The following ABCA12 variants were observed in gnomAD, a reference collection of about 807,000 sequenced individuals.
ABCA12 encodes the protein glucosylceramide transporter ABCA12.
A neutral mutation model predicts 293.5 loss-of-function variants in ABCA12; 156 were observed. The ratio of observed to expected loss-of-function variants is 0.53; its 90% CI spans 0.47 to 0.61. The LOEUF is 0.61. ABCA12 is among the 20% of genes least tolerant of loss of function. The pLI is 0.00. For missense variants in ABCA12, 2,797 were observed against 3,090.2 expected (o/e 0.91, Z 2.25); for synonymous variants, 1,063 against 1,108.0 (o/e 0.96, Z 0.81).
intron 49 of ABCA12, 47 bp downstream of exon 49, chr2:214,944,954 C>A: frequency 1.3e-6 from 2 of 1,504,700 alleles, no homozygotes; most frequent in South Asian, 2.3e-5. Context: ...TCCCACCTGT[C>A]ATCCTAAGAC....
intron 1 of ABCA12, among the ~76,000 whole-genome samples, chr2:215,116,323 T>TG (rs1006572206): frequency 2.6e-5 from 4 of 152,294 alleles, no homozygotes; most frequent in Non-Finnish European, 2.9e-5. Flanking sequence ...TCATTGCTAG[T>TG]GGGGTCTCAA....
At position 215,018,033 on chromosome 2, in the gene ABCA12, A is replaced by G. The variant is rs1350206726; in HGVS notation, c.1757T>C (p.Ile586Thr). The G allele has an allele frequency of 6.2e-7, 1 of 1,614,132 alleles. No homozygotes were observed. Among genetic ancestry groups the G allele is most frequent in the Non-Finnish European group, 8.5e-7 (1 of 1,179,994 alleles). Residue 586 changes from isoleucine (I) to threonine (T), a missense_variant, in exon 14 of 53, where the codon ATT becomes ACT. This residue lies in a region of ABCA12 where 2,130 missense variants were observed against 2,427.0 expected (regional missense o/e 0.88). Coordinates refer to ENST00000272895, the MANE Select transcript of ABCA12 (RefSeq NM_173076.3). The part of the protein sequence containing the change: ...SNRTIDKLLA[I>T]PIPDNRAEII... ...CTCAGCTCTATTATCAGGGATGGGA[A>G]TGGCCAGCAACTTGTCAATAGTCCT... is the stretch of plus-strand genomic sequence containing the variant.
chr2:215,045,475 A>G (rs183139741), intron 7 of ABCA12, among the ~76,000 whole-genome samples: 1 of 152,270 alleles, frequency 6.6e-6, no homozygotes, highest in African/African-American at 2.4e-5. Flanking sequence ...TTATTCCTGG[A>G]TAGTTTAAAT....
intron 49 of ABCA12, 116 bp downstream of exon 49, chr2:214,944,885 A>ATACACATACATAT (rs1219204742): frequency 1.4e-6 from 1 of 735,532 alleles, no homozygotes; most frequent in Non-Finnish European, 2.4e-6. Context: ...ATATATATAT[A>ATACACATACATAT]TACACACACA....
At chr2:214,983,596 G>C (rs761282141) in intron 29 of ABCA12, 51 bp downstream of exon 29, 2 of 1,496,796 alleles carry the variant, frequency 1.3e-6, no homozygotes, top group Non-Finnish European at 1.9e-6. Context: ...CCAAGCTATG[G>C]GTCTTTGAGA....
At chr2:215,050,862 C>T (rs989291213) in intron 5 of ABCA12, 11 of 976,462 alleles carry the variant, frequency 1.1e-5, no homozygotes, top group Non-Finnish European at 1.3e-5. Flanking sequence ...AAAGAGGAAT[C>T]AGAGAGATTG....
Position 215,063,176 on chromosome 2 carries a change from C to T in ABCA12, c.317+890G>A, listed in dbSNP as rs897606769. Among the ~76,000 whole-genome samples the T allele has an allele frequency of 8.6e-5, 13 of 151,922 alleles. No homozygotes were observed. In the East Asian group the frequency reaches 9.7e-4, roughly 11 times the overall value. ...TAACATGTTTATATTTTTTGATAAA[C>T]GGGTTGCAGTTGCACTCTTAAAGTA... On this transcript the variant is annotated intron_variant, in intron 3 of 52. Coordinates refer to ENST00000272895, the MANE Select transcript of ABCA12 (RefSeq NM_173076.3).
In ABCA12 at chr2:215,115,271, G is replaced by A. The variant is rs376060795; in HGVS notation, c.70-3581C>T. Among the ~76,000 whole-genome samples, 35 of 152,218 alleles carry A rather than the reference G, an allele frequency of 2.3e-4. 1 individual carries two copies. Among genetic ancestry groups the A allele is most frequent in the African/African-American group, 8.2e-4 (34 of 41,536 alleles). Reference sequence around the variant, plus strand: ...TAAATACAAAGCCCTCTACACTATGGTCTCACGAATATTAAGGTTGACAGG... The same window carrying A: ...TAAATACAAAGCCCTCTACACTATGATCTCACGAATATTAAGGTTGACAGG... On this transcript the variant is annotated intron_variant, in intron 1 of 52. Transcript: ENST00000272895.
At chr2:215,043,713 A>T (rs1478575271) in intron 7 of ABCA12, among the ~76,000 whole-genome samples, 1 of 152,076 alleles carries the variant, frequency 6.6e-6, no homozygotes, top group Non-Finnish European at 1.5e-5. Flanking sequence ...AATTGTATAA[A>T]CTTACGGGGT....
At chr2:215,006,950 AC>A (rs1700268174) in intron 19 of ABCA12, among the ~76,000 whole-genome samples, 1 of 138,768 alleles carries the variant, frequency 7.2e-6, no homozygotes, top group South Asian at 2.3e-4. Flanking sequence ...ATCTCAGCTC[AC>A]TGCAACCTCC....
chr2:215,102,192 ATTAT>A (rs1221170952), intron 2 of ABCA12, among the ~76,000 whole-genome samples: 2 of 152,236 alleles, frequency 1.3e-5, no homozygotes, highest in Non-Finnish European at 2.9e-5. Flanking sequence ...CTCGTACCTC[ATTAT>A]TTAATTTTTA....
intron 50 of ABCA12, among the ~76,000 whole-genome samples, chr2:214,941,069 A>T (rs1698385203): frequency 6.6e-6 from 1 of 152,008 alleles, no homozygotes; most frequent in South Asian, 2.1e-4. Context: ...TGTTGATTTT[A>T]GATCTTTCCC....
chr2:215,071,035 G>A (rs2106082210), intron 2 of ABCA12, among the ~76,000 whole-genome samples: 1 of 151,370 alleles, frequency 6.6e-6, no homozygotes, highest in African/African-American at 2.4e-5. Flanking sequence ...ACACACTCAA[G>A]AAAACCCACA....
At chr2:215,004,159 T>C in intron 20 of ABCA12, 50 bp downstream of exon 20, 1 of 1,456,488 alleles carries the variant, frequency 6.9e-7, no homozygotes, top group South Asian at 1.1e-5. Context: ...CAATGTTGTT[T>C]ATATGTCCGA....
intron 3 of ABCA12, among the ~76,000 whole-genome samples, chr2:215,056,680 G>T (rs1701426825): frequency 6.6e-6 from 1 of 152,000 alleles, no homozygotes; most frequent in Non-Finnish European, 1.5e-5. Context: ...TCTTAAAATG[G>T]AAATCACAAA....
chr2:215,078,986 G>T (rs757524269), intron 2 of ABCA12, among the ~76,000 whole-genome samples: 1 of 152,102 alleles, frequency 6.6e-6, no homozygotes, highest in Non-Finnish European at 1.5e-5. Context: ...TAGGTAACAT[G>T]GTATATTTTG....
rs1701278519 is a variant in ABCA12 at position 215,049,672 on chromosome 2, G to A, written c.647C>T (p.Thr216Ile). Residue 216 changes from threonine to isoleucine, a missense_variant, in exon 6 of 53, where the codon ACC becomes ATC. This residue lies in a region of ABCA12 where 656 missense variants were observed against 638.2 expected (regional missense o/e 1.03). Coordinates refer to ENST00000272895, the MANE Select transcript of ABCA12 (RefSeq NM_173076.3). ...VFNKFCLSNM[T>I]LLESSLQELN... Reference sequence around the variant, plus strand: ...TTCTTGGAGAGAAGACTCTAAAAGGGTCATGTTAGAAAGGCAAAATTTGTT... The same window carrying A: ...TTCTTGGAGAGAAGACTCTAAAAGGATCATGTTAGAAAGGCAAAATTTGTT... 2.5e-6 allele frequency: 4 copies of A among 1,613,572 alleles called. No homozygotes were observed. Among genetic ancestry groups the A allele is most frequent in the South Asian group, 1.1e-5 (1 of 91,072 alleles).
intron 14 of ABCA12, 39 bp downstream of exon 14, chr2:215,017,969 C>T: frequency 5.6e-6 from 9 of 1,613,592 alleles, no homozygotes; most frequent in Non-Finnish European, 5.9e-6. Flanking sequence ...ATTTAAATTT[C>T]TAAGAACTGC....
rs764408856 is a variant in ABCA12 at position 214,986,628 on chromosome 2, A to T, written c.4077T>A (p.Val1359=). 10 of 1,614,064 alleles carry T rather than the reference A, an allele frequency of 6.2e-6. No individual in the cohort carries two copies. The highest frequency in any genetic ancestry group is 8.5e-6 in the Non-Finnish European group (10 of 1,179,974). ...AGTTCAGATTGAGGTTATCAACAGC[A>T]ACTTTTGAGCCATAGATCTTTGTGA... The part of the protein sequence containing the change: ...HGVTKIYGSK[V]AVDNLNLNFY... The change falls in exon 28 of 53, where the codon GTT becomes GTA. Residue 1359 remains valine (V), a synonymous_variant. Coordinates refer to ENST00000272895, the MANE Select transcript of ABCA12 (RefSeq NM_173076.3).
Sources: allele counts gnomAD v4.1 joint callset (sites outside exome capture counted in the v4.1 genomes callset), GRCh38; gene constraint gnomAD v4.1.1; regional missense constraint gnomAD v4.1.1; transcripts MANE v1.5; gene names NCBI Gene and HGNC (gene_info 2026-07-23, HGNC 2026-07-21).